PCDHA10: variants seen among roughly 807,000 people sequenced by gnomAD.
PCDHA10 encodes protocadherin alpha-10.
A neutral mutation model predicts 61.2 loss-of-function variants in PCDHA10; 45 were observed. That is an observed-to-expected ratio of 0.74 (90% CI 0.58 to 0.94). The LOEUF is 0.94. Among genes scored for constraint, PCDHA10 ranks in the 40% least tolerant of loss-of-function variants. PCDHA10 has a pLI of 0.00. For missense variants in PCDHA10, 1,278 were observed against 1,236.2 expected (o/e 1.03, Z -0.51); for synonymous variants, 602 against 548.8 (o/e 1.10, Z -1.35).
chr5:140,900,717 A>G (rs2068252980), intron 1 of PCDHA10, among the ~76,000 whole-genome samples: 1 of 152,136 alleles, frequency 6.6e-6, no homozygotes, highest in South Asian at 2.1e-4. Flanking sequence ...AAGAAAGGAA[A>G]TCCTACCTAG....
chr5:140,888,725 T>C (rs1254922405), intron 1 of PCDHA10, among the ~76,000 whole-genome samples: 2 of 152,156 alleles, frequency 1.3e-5, no homozygotes, highest in African/African-American at 4.8e-5. Flanking sequence ...TTTCCAGCCC[T>C]TTGTGAGCTC....
rs782346022 is a variant in PCDHA10 at position 140,877,702 on chromosome 5, G to A, written c.2388+19266G>A. On this transcript the variant is annotated intron_variant, in intron 1 of 3. Coordinates refer to ENST00000307360, the MANE Select transcript of PCDHA10 (RefSeq NM_018901.4). Reference sequence around the variant, plus strand: ...CAAGCCCACGCTGGTGTGCTCCAGCGCCGTGGGGAGTTGGTCTTACTCGCA... The same window carrying A: ...CAAGCCCACGCTGGTGTGCTCCAGCACCGTGGGGAGTTGGTCTTACTCGCA... 52 of 1,613,876 alleles carry A rather than the reference G, an allele frequency of 3.2e-5. No homozygotes were observed. In the Admixed American group the frequency reaches 8.7e-4, roughly 27 times the overall value.
At chr5:140,864,054 C>T (rs575153653) in intron 1 of PCDHA10, 20 of 152,698 alleles carry the variant, frequency 1.3e-4, no homozygotes, top group African/African-American at 4.6e-4. Flanking sequence ...TTACTACAGT[C>T]ACCATGAACA....
At chr5:140,886,827 GAAAA>G (rs782016620) in intron 1 of PCDHA10, among the ~76,000 whole-genome samples, 16 of 60,888 alleles carry the variant, frequency 2.6e-4, no homozygotes, top group Non-Finnish European at 3.3e-4. Flanking sequence ...ACTTCGTCTT[GAAAA>G]AAAAAAAAAA....
intron 1 of PCDHA10, among the ~76,000 whole-genome samples, chr5:140,954,349 G>A (rs554018151): frequency 2.0e-4 from 31 of 152,312 alleles, no homozygotes; most frequent in Admixed American, 1.8e-3. Flanking sequence ...AGATCTTTGA[G>A]GAATCGCCAC....
chr5:140,970,286 C>A (rs2096395973), intron 1 of PCDHA10, among the ~76,000 whole-genome samples: 2 of 152,174 alleles, frequency 1.3e-5, no homozygotes, highest in Admixed American at 6.5e-5. Context: ...GTAGCCTTTT[C>A]AAGTCCTTCA....
intron 1 of PCDHA10, among the ~76,000 whole-genome samples, chr5:140,961,630 C>A (rs1387087976): frequency 1.3e-5 from 2 of 152,136 alleles, no homozygotes; most frequent in Non-Finnish European, 2.9e-5. Context: ...ATATGAAAAA[C>A]AATCTTAAGT....
intron 1 of PCDHA10, chr5:140,870,818 C>A: frequency 6.2e-7 from 1 of 1,613,692 alleles, no homozygotes; most frequent in Non-Finnish European, 8.5e-7. Context: ...GCTGGCAGCG[C>A]GGGAGGCGCA....
At chr5:140,999,033 G>A (rs1029128098) in intron 3 of PCDHA10, among the ~76,000 whole-genome samples, 6 of 152,148 alleles carry the variant, frequency 3.9e-5, no homozygotes, top group African/African-American at 1.4e-4. Context: ...TTGATACTTC[G>A]TCCAGTGTGC....
At chr5:140,984,945 C>A (rs1316955910) in intron 3 of PCDHA10, among the ~76,000 whole-genome samples, 1 of 149,212 alleles carries the variant, frequency 6.7e-6, no homozygotes, top group Non-Finnish European at 1.5e-5. Flanking sequence ...AATGTCTAAT[C>A]TTTTTTTTTT....
chr5:140,891,009 A>G (rs2062900955), intron 1 of PCDHA10, among the ~76,000 whole-genome samples: 1 of 151,934 alleles, frequency 6.6e-6, no homozygotes, highest in South Asian at 2.1e-4. Flanking sequence ...ATTGAAAAGC[A>G]TTTTTTCTGA....
At position 140,876,234 on chromosome 5, in the gene PCDHA10, T is replaced by C. The variant is rs1260556049; in HGVS notation, c.2388+17798T>C. 4 of 1,613,902 alleles carry C rather than the reference T, an allele frequency of 2.5e-6. No individual in the cohort carries two copies. In the South Asian group the frequency reaches 3.3e-5, roughly 13 times the overall value. On this transcript the variant is annotated intron_variant, in intron 1 of 3. Transcript: ENST00000307360. ...GCTATAAAGTAGTGTTGTCTGAAAA[T>C]GTCCAAAACGACACAAGAGTGATCC...
chr5:140,979,462 T>C (rs2096852361), intron 2 of PCDHA10, among the ~76,000 whole-genome samples: 1 of 152,304 alleles, frequency 6.6e-6, no homozygotes, highest in East Asian at 1.9e-4. Context: ...CAATAATTGA[T>C]TGCTATTGTT....
rs202184948 is a variant in PCDHA10 at position 140,888,065 on chromosome 5, T to C, written c.2388+29629T>C. 4.6e-5 allele frequency among the ~76,000 whole-genome samples: 7 copies of C among 152,338 alleles called. No homozygotes were observed. The East Asian group carries it at 5.8e-4, about 13-fold the overall frequency. On this transcript the variant is annotated intron_variant, in intron 1 of 3. Transcript: ENST00000307360. Reference sequence around the variant, plus strand: ...TATAATAGATGTTTTAACTTTCTTGTCTGCTAATTTCAACATTTTTGTCCT... The same window carrying C: ...TATAATAGATGTTTTAACTTTCTTGCCTGCTAATTTCAACATTTTTGTCCT...
At chr5:140,874,154 C>A (rs1554167062) in intron 1 of PCDHA10, among the ~76,000 whole-genome samples, 1 of 152,102 alleles carries the variant, frequency 6.6e-6, no homozygotes, top group African/African-American at 2.4e-5. Flanking sequence ...TAGAGCCATT[C>A]TTGGTTACTC....
At chr5:140,979,035 G>A in intron 2 of PCDHA10, 28 bp downstream of exon 2, 1 of 1,612,986 alleles carries the variant, frequency 6.2e-7, no homozygotes, top group Non-Finnish European at 8.5e-7. Flanking sequence ...CATTCACTCA[G>A]AAGTAACCTT....
At chr5:140,966,097 C>T (rs1215509140) in intron 1 of PCDHA10, 2 of 154,754 alleles carry the variant, frequency 1.3e-5, no homozygotes, top group Non-Finnish European at 2.9e-5. Flanking sequence ...GTTAGATCCG[C>T]CGCCTGGGTG....
intron 1 of PCDHA10, chr5:140,929,046 C>CT (rs1229193922): frequency 6.2e-7 from 1 of 1,614,206 alleles, no homozygotes; most frequent in Non-Finnish European, 8.5e-7. Flanking sequence ...CTCAGAGCTG[C>CT]TGTCGCTCTA....
At chr5:140,907,500 G>T (rs2073413620) in intron 1 of PCDHA10, among the ~76,000 whole-genome samples, 1 of 152,228 alleles carries the variant, frequency 6.6e-6, no homozygotes, top group Non-Finnish European at 1.5e-5. Flanking sequence ...TCCAGAGTAA[G>T]TGTCTATTCC....
Sources: gnomAD v4.1 joint callset for allele counts (sites outside exome capture counted in the v4.1 genomes callset) on GRCh38, gnomAD v4.1.1 for gene constraint, MANE v1.5 for transcripts, NCBI Gene and HGNC (gene_info 2026-07-23, HGNC 2026-07-21) for gene names.